KLRF2: variants seen among roughly 807,000 people sequenced by gnomAD.
KLRF2 encodes the protein killer cell lectin like receptor F2.
In KLRF2, 28 loss-of-function variants were observed where a neutral mutation model predicts 25.3. The observed-to-expected ratio is 1.11, with a 90% confidence interval of 0.82 to 1.52. The LOEUF (loss-of-function observed/expected upper bound fraction) is 1.52, where lower values mean the gene tolerates loss of function less well. Ranked by LOEUF, KLRF2 falls within the 40% of genes most tolerant of loss-of-function variation. The pLI, the probability that KLRF2 is intolerant of heterozygous loss-of-function variation, is 0.00. For synonymous variants in KLRF2, 73 were observed against 85.0 expected, an observed-to-expected ratio of 0.86 and a Z score of 0.78; for missense variants, 265 against 245.8, an observed-to-expected ratio of 1.08 and a Z score of -0.52.
intron 2 of KLRF2, among the ~76,000 whole-genome samples, chr12:9,886,786 A>T (rs1334897539): frequency 6.9e-6 from 1 of 144,410 alleles, no homozygotes; most frequent in Admixed American, 6.9e-5. Flanking sequence ...AAAAAAAGAG[A>T]GAAGAACTCT....
At chr12:9,886,739 A>G (rs928201612) in intron 2 of KLRF2, among the ~76,000 whole-genome samples, 2 of 142,646 alleles carry the variant, frequency 1.4e-5, no homozygotes, top group African/African-American at 5.1e-5. Flanking sequence ...CTATTTACAC[A>G]GTGGATTTTG....
At chr12:9,891,859 T>A (rs1390154043) in intron 3 of KLRF2, among the ~76,000 whole-genome samples, 6 of 152,214 alleles carry the variant, frequency 3.9e-5, no homozygotes, top group Non-Finnish European at 7.4e-5. Context: ...CTAAAAGTAA[T>A]TTTTAAATAA....
chr12:9,895,383 A>G (rs1862745242), intron 5 of KLRF2, among the ~76,000 whole-genome samples: 1 of 152,218 alleles, frequency 6.6e-6, no homozygotes, highest in Non-Finnish European at 1.5e-5. Context: ...AGCTGGGAGA[A>G]GTGAATGGTT....
At chr12:9,891,047 AT>A (rs200627186) in intron 3 of KLRF2, among the ~76,000 whole-genome samples, 3,530 of 137,652 alleles carry the variant, frequency 0.026, 40 homozygotes, top group Middle Eastern at 0.055. Context: ...CCTCCTTTTA[AT>A]TTTTTTTTTT....
chr12:9,888,363 G>A (rs193111061), intron 2 of KLRF2, among the ~76,000 whole-genome samples: 4 of 151,882 alleles, frequency 2.6e-5, no homozygotes, highest in East Asian at 1.9e-4. Flanking sequence ...GGTGGTGCGC[G>A]CCTGTAGTCC....
chr12:9,890,308 G>C (rs147800944), intron 3 of KLRF2, among the ~76,000 whole-genome samples: 3,054 of 152,276 alleles, frequency 0.02, 51 homozygotes, highest in Middle Eastern at 0.044. Flanking sequence ...CACGAGTTGG[G>C]AGTCAGGGCA....
chr12:9,888,054 CAAA>C (rs59382110), intron 2 of KLRF2, among the ~76,000 whole-genome samples: 110 of 65,486 alleles, frequency 1.7e-3, no homozygotes, highest in Non-Finnish European at 2.1e-3. Context: ...GACCCTGTGT[CAAA>C]AAAAAAAAAA....
chr12:9,891,268 T>C (rs1862673514), intron 3 of KLRF2, among the ~76,000 whole-genome samples: 1 of 152,218 alleles, frequency 6.6e-6, no homozygotes, highest in South Asian at 2.1e-4. Flanking sequence ...AATAGAGCAG[T>C]TGATATAAAG....
chr12:9,895,491 G>A (rs1862746574), intron 5 of KLRF2, among the ~76,000 whole-genome samples, 198 bp from the exon 6 acceptor site: 1 of 152,228 alleles, frequency 6.6e-6, no homozygotes, highest in Non-Finnish European at 1.5e-5. Context: ...TTCTAGTGTA[G>A]CTCAAGCTTG....
chr12:9,881,923 G>A (rs924723982), intron 1 of KLRF2, among the ~76,000 whole-genome samples: 2 of 151,940 alleles, frequency 1.3e-5, no homozygotes, highest in Non-Finnish European at 2.9e-5. Flanking sequence ...CATCACTTTC[G>A]AAGAAAAGGC....
intron 3 of KLRF2, among the ~76,000 whole-genome samples, chr12:9,891,447 T>C (rs544948534): frequency 2.0e-5 from 3 of 152,306 alleles, no homozygotes; most frequent in African/African-American, 4.8e-5. Context: ...AGTATTTCCA[T>C]TGTGTCTGGC....
chr12:9,885,489 T>C (rs978905608), intron 2 of KLRF2, among the ~76,000 whole-genome samples: 1 of 151,966 alleles, frequency 6.6e-6, no homozygotes, highest in African/African-American at 2.4e-5. Flanking sequence ...GTCTTGCTTT[T>C]AAGGCTGTGA....
intron 5 of KLRF2, among the ~76,000 whole-genome samples, chr12:9,894,542 T>C (rs1862735550): frequency 6.6e-6 from 1 of 152,214 alleles, no homozygotes; most frequent in Admixed American, 6.5e-5. Context: ...ATTGTTCTTA[T>C]GTGAACAACA....
Position 9,893,489 on chromosome 12 carries a change from T to G in KLRF2, c.427T>G (p.Phe143Val). Residue 143 changes from phenylalanine to valine, a missense_variant, in exon 5 of 6, where the codon TTC becomes GTC. Physicochemically the swap from Phe to Val is conservative, Grantham distance 50. Transcript: ENST00000535540. The part of the protein sequence containing the change: ...HFGWIGLYVT[F>V]QGNLWMWIDE... ...TGGTTGGATTGGACTATATGTTACA[T>G]TCCAAGGGAACCTATGGATGTGGAT... 3 of 1,525,288 alleles carry G rather than the reference T, an allele frequency of 2.0e-6. No individual in the cohort carries two copies. Among genetic ancestry groups the G allele is most frequent in the Non-Finnish European group, 2.6e-6 (3 of 1,137,926 alleles). The allele number at this position is 1,525,288 out of a possible 1,614,324, so 94.5% of individuals were successfully genotyped here.
At chr12:9,884,413 C>T (rs892199057) in intron 1 of KLRF2, among the ~76,000 whole-genome samples, 1 of 151,600 alleles carries the variant, frequency 6.6e-6, no homozygotes, top group Non-Finnish European at 1.5e-5. Context: ...TGGATATTTC[C>T]AGTACAGTGA....
At chr12:9,887,929 G>A (rs1442551575) in intron 2 of KLRF2, among the ~76,000 whole-genome samples, 29 of 150,920 alleles carry the variant, frequency 1.9e-4, no homozygotes, top group South Asian at 4.2e-4. Context: ...GGAAGTGTGC[G>A]CCTGTACTCC....
In KLRF2 at chr12:9,885,657, TG is replaced by T. The variant is rs1422415959; in HGVS notation, c.169+628del. Among the ~76,000 whole-genome samples, 3 of 151,992 alleles carry T rather than the reference TG, an allele frequency of 2.0e-5. 1 individual carries two copies. The highest frequency in any genetic ancestry group is 4.1e-4 in the South Asian group (2 of 4,824). On this transcript the variant is annotated intron_variant, in intron 2 of 5. Coordinates refer to ENST00000535540, the MANE Select transcript of KLRF2 (RefSeq NM_001190765.1). Reference sequence around the variant, plus strand: ...AGGATCCATATTTGTATTGGGCAATTGGGCAATTTTGTGTTTTTCCCAATAC... The same window carrying T: ...AGGATCCATATTTGTATTGGGCAATTGGCAATTTTGTGTTTTTCCCAATAC...
chr12:9,882,611 C>G (rs1868105765), intron 1 of KLRF2, among the ~76,000 whole-genome samples: 3 of 152,088 alleles, frequency 2.0e-5, no homozygotes, highest in African/African-American at 7.2e-5. Context: ...AACCCCGTCT[C>G]TACTAAAAAT....
intron 1 of KLRF2, among the ~76,000 whole-genome samples, chr12:9,883,999 C>T (rs1591775693): frequency 6.6e-6 from 1 of 152,192 alleles, no homozygotes; most frequent in African/African-American, 2.4e-5. Context: ...TCTCAAATTA[C>T]TTTGCTTTCT....
Sources: gnomAD v4.1 joint callset for allele counts (sites outside exome capture counted in the v4.1 genomes callset) on GRCh38, gnomAD v4.1.1 for gene constraint, MANE v1.5 for transcripts, NCBI Gene and HGNC (gene_info 2026-07-23, HGNC 2026-07-21) for gene names.